CDH12: variants seen among roughly 807,000 people sequenced by gnomAD.
The protein encoded by CDH12 is cadherin 12.
In CDH12, 41 loss-of-function variants were observed where a neutral mutation model predicts 74.1. The observed-to-expected ratio is 0.55, with a 90% CI of 0.43 to 0.72. CDH12 has a LOEUF of 0.72. Ranked by LOEUF, CDH12 falls within the 30% of genes least tolerant of loss-of-function variation. The pLI, the probability that CDH12 is intolerant of heterozygous loss-of-function variation, is 0.00. For synonymous variants in CDH12, 399 were observed against 355.0 expected (o/e 1.12, Z -1.39); for missense variants, 945 against 977.2 (o/e 0.97, Z 0.44).
intron 6 of CDH12, among the ~76,000 whole-genome samples, chr5:21,957,095 T>A (rs553596984): frequency 6.6e-6 from 1 of 152,278 alleles, no homozygotes; most frequent in East Asian, 1.9e-4. Flanking sequence ...CTCCGGTGTC[T>A]GCTGTTCCAT....
At chr5:22,541,471 A>T (rs1296278101) in intron 1 of CDH12, among the ~76,000 whole-genome samples, 1 of 152,196 alleles carries the variant, frequency 6.6e-6, no homozygotes, top group Non-Finnish European at 1.5e-5. Context: ...AATGTCCTGA[A>T]AGTGAAAAGA....
chr5:21,963,007 C>T (rs1204750322), intron 6 of CDH12, among the ~76,000 whole-genome samples: 1 of 152,090 alleles, frequency 6.6e-6, no homozygotes, highest in Non-Finnish European at 1.5e-5. Flanking sequence ...CCCCATGCCT[C>T]TTTTTCCTTT....
intron 6 of CDH12, among the ~76,000 whole-genome samples, chr5:21,891,261 C>T (rs1752885766): frequency 6.6e-6 from 1 of 152,034 alleles, no homozygotes; most frequent in African/African-American, 2.4e-5. Flanking sequence ...AGTTTTGATA[C>T]TACATTCTAG....
intron 6 of CDH12, among the ~76,000 whole-genome samples, chr5:21,878,773 A>C (rs1390529957): frequency 3.3e-5 from 4 of 122,730 alleles, no homozygotes; most frequent in Non-Finnish European, 5.4e-5. Flanking sequence ...AGAAAGAAAG[A>C]AAAGAAAGAA....
intron 1 of CDH12, among the ~76,000 whole-genome samples, chr5:22,606,178 G>T (rs968790090): frequency 6.6e-6 from 1 of 152,104 alleles, no homozygotes; most frequent in Non-Finnish European, 1.5e-5. Flanking sequence ...CAGCATCCAG[G>T]AGTACCAGAT....
chr5:22,556,337 G>C lies in CDH12; in HGVS notation c.-522-50973C>G, dbSNP rs543999880. The stretch of plus-strand genomic sequence containing the variant: ...GCAAAATATGTGTTAAATAAAAATT[G>C]TGATACTTGTTTTTTTGGAAACAAG... On this transcript the variant is annotated intron_variant, in intron 1 of 14. Transcript: ENST00000382254. 3.5e-4 allele frequency among the ~76,000 whole-genome samples: 53 copies of C among 152,130 alleles called. No homozygotes were observed. In the Middle Eastern group the frequency reaches 0.01, roughly 29 times the overall value.
At chr5:22,661,318 C>T (rs989159278) in intron 1 of CDH12, among the ~76,000 whole-genome samples, 3 of 152,110 alleles carry the variant, frequency 2.0e-5, no homozygotes, top group African/African-American at 4.8e-5. Context: ...ATACAAGAAC[C>T]TCATTATCAG....
intron 4 of CDH12, among the ~76,000 whole-genome samples, chr5:22,203,152 T>C (rs1751017713): frequency 1.3e-5 from 2 of 152,202 alleles, no homozygotes; most frequent in Admixed American, 6.5e-5. Flanking sequence ...ATATATGTTA[T>C]ATTAACTATA....
intron 3 of CDH12, among the ~76,000 whole-genome samples, chr5:22,387,234 A>G (rs1047526415): frequency 6.6e-6 from 1 of 152,044 alleles, no homozygotes; most frequent in Non-Finnish European, 1.5e-5. Flanking sequence ...TACATTTTTA[A>G]AAATTGTAAT....
chr5:22,438,277 A>G (rs946407145), intron 2 of CDH12, among the ~76,000 whole-genome samples: 1 of 152,006 alleles, frequency 6.6e-6, no homozygotes, highest in Non-Finnish European at 1.5e-5. Flanking sequence ...GCATTTTGGC[A>G]TCATTTTTTC....
chr5:22,651,701 G>GTT (rs35910624), intron 1 of CDH12, among the ~76,000 whole-genome samples: 39 of 144,398 alleles, frequency 2.7e-4, no homozygotes, highest in East Asian at 1.2e-3. Context: ...TAGGATGGTG[G>GTT]TTTTTTTTTT....
intron 3 of CDH12, among the ~76,000 whole-genome samples, chr5:22,230,987 C>T (rs571649290): frequency 3.2e-4 from 49 of 152,210 alleles, no homozygotes; most frequent in African/African-American, 1.1e-3. Flanking sequence ...AATCACAATG[C>T]CATATTCTTG....
chr5:22,372,197 C>G (rs183883552), intron 3 of CDH12, among the ~76,000 whole-genome samples: 1 of 152,070 alleles, frequency 6.6e-6, no homozygotes. Context: ...CCAGTGTATG[C>G]CTCTTGCTTG....
intron 4 of CDH12, among the ~76,000 whole-genome samples, chr5:22,094,388 A>G (rs549301541): frequency 6.6e-6 from 1 of 152,332 alleles, no homozygotes; most frequent in South Asian, 2.1e-4. Flanking sequence ...ATGTCAATAC[A>G]TAATGGTATG....
At chr5:22,274,575 T>C (rs1736541877) in intron 3 of CDH12, among the ~76,000 whole-genome samples, 2 of 152,046 alleles carry the variant, frequency 1.3e-5, no homozygotes, top group African/African-American at 4.8e-5. Flanking sequence ...TTTGACTCTT[T>C]TGAAGTTACT....
chr5:21,880,572 T>TTCCC lies in CDH12; in HGVS notation c.527-25783_527-25782insGGGA, dbSNP rs1579895240. On this transcript the variant is annotated intron_variant, in intron 6 of 14. Transcript: ENST00000382254. ...CTTCCTTCCTTCCTTCCCTTCTTTC[T>TTCCC]TTCCTTCCTTCCTTCCTTCCTTCCT... 1.2e-3 allele frequency among the ~76,000 whole-genome samples: 15 copies of TTCCC among 12,936 alleles called. 2 individuals carry two copies. The highest frequency in any genetic ancestry group is 2.1e-3 in the African/African-American group (14 of 6,632). 8.5% of individuals were successfully genotyped at this position (12,936 alleles called of 152,430 possible).
chr5:22,152,680 A>G (rs1747677127), intron 4 of CDH12, among the ~76,000 whole-genome samples: 1 of 152,162 alleles, frequency 6.6e-6, no homozygotes, highest in African/African-American at 2.4e-5. Context: ...TATATTACTA[A>G]CTATAGTCAC....
At chr5:22,001,892 C>G (rs1238365558) in intron 5 of CDH12, among the ~76,000 whole-genome samples, 1 of 151,184 alleles carries the variant, frequency 6.6e-6, no homozygotes, top group Non-Finnish European at 1.5e-5. Flanking sequence ...TGTATAAGAC[C>G]CAGGATGCCA....
intron 4 of CDH12, among the ~76,000 whole-genome samples, chr5:22,111,848 G>A (rs1744834187): frequency 6.6e-6 from 1 of 151,850 alleles, no homozygotes; most frequent in Admixed American, 6.6e-5. Context: ...TACATACACG[G>A]GTACTATAAT....
Sources: gnomAD v4.1 joint callset for allele counts (sites outside exome capture counted in the v4.1 genomes callset) on GRCh38, gnomAD v4.1.1 for gene constraint, MANE v1.5 for transcripts, NCBI Gene and HGNC (gene_info 2026-07-23, HGNC 2026-07-21) for gene names.